The following TLN2 variants were observed in gnomAD, a reference collection of about 807,000 sequenced individuals.
The protein encoded by TLN2 is talin-2.
In TLN2, 118 loss-of-function variants were observed where a neutral mutation model predicts 294.7. The ratio of observed to expected loss-of-function variants is 0.40; its 90% CI spans 0.34 to 0.47. The LOEUF (loss-of-function observed/expected upper bound fraction) is 0.47. Ranked by LOEUF, TLN2 falls within the 20% of genes least tolerant of loss-of-function variation. The pLI, the probability that TLN2 is intolerant of heterozygous loss-of-function variation, is 0.84. For synonymous variants in TLN2, 1,431 were observed against 1,304.5 expected (o/e 1.10, Z -2.09); for missense variants, 3,083 against 3,282.2 (o/e 0.94, Z 1.48).
At chr15:62,640,970 T>C (rs2051011634) in intron 3 of TLN2, among the ~76,000 whole-genome samples, 1 of 151,874 alleles carries the variant, frequency 6.6e-6, no homozygotes, top group African/African-American at 2.4e-5. Flanking sequence ...CTCGGCTAAT[T>C]TTTGTATTTT....
At chr15:62,626,818 C>G (rs1467789630) in intron 3 of TLN2, among the ~76,000 whole-genome samples, 1 of 152,116 alleles carries the variant, frequency 6.6e-6, no homozygotes. Flanking sequence ...TCTGTGTCTA[C>G]TGGTGTGAGG....
intron 1 of TLN2, among the ~76,000 whole-genome samples, chr15:62,399,277 A>AAAAAAAAAAAAT: frequency 6.6e-6 from 1 of 150,822 alleles, no homozygotes. Context: ...AAAAAAAAAA[A>AAAAAAAAAAAAT]AAAAAAAAGT....
chr15:62,733,575 T>G (rs548420961), intron 28 of TLN2, among the ~76,000 whole-genome samples: 1 of 152,330 alleles, frequency 6.6e-6, no homozygotes, highest in East Asian at 1.9e-4. Flanking sequence ...GATAAAAGAT[T>G]TGTGTCATAC....
intron 7 of TLN2, 97 bp from the exon 8 acceptor site, chr15:62,655,847 G>A: frequency 7.4e-7 from 1 of 1,343,154 alleles, no homozygotes; most frequent in Non-Finnish European, 1.0e-6. Flanking sequence ...AAGTATCAGA[G>A]ATACAGAAAT....
Position 62,657,662 on chromosome 15 carries a change from C to T in TLN2, c.661-109C>T. 2.0e-6 allele frequency: 3 copies of T among 1,469,530 alleles called. No individual in the cohort carries two copies. The South Asian group carries it at 4.4e-5, about 22-fold the overall frequency. 91.0% of individuals were successfully genotyped at this position (1,469,530 alleles called of 1,614,324 possible). On this transcript the variant is annotated intron_variant, in intron 8 of 58. Transcript: ENST00000636159. The stretch of plus-strand genomic sequence containing the variant: ...GCACATGTCACCGTGGGTTGGCTGG[C>T]ACTGTCCCCTGCTCCACAGAGGGTG...
chr15:62,761,062 G>A (rs983295115), intron 37 of TLN2, among the ~76,000 whole-genome samples: 6 of 152,128 alleles, frequency 3.9e-5, no homozygotes, highest in African/African-American at 7.2e-5. Context: ...TGGGTGGCCC[G>A]TTTTGTTAAA....
intron 9 of TLN2, among the ~76,000 whole-genome samples, chr15:62,668,811 G>T (rs1466672860): frequency 6.6e-6 from 1 of 152,212 alleles, no homozygotes; most frequent in Non-Finnish European, 1.5e-5. Flanking sequence ...CTGAAACAGG[G>T]TTTGGCCTTC....
intron 1 of TLN2, among the ~76,000 whole-genome samples, chr15:62,555,393 C>G (rs186321180): frequency 6.6e-6 from 1 of 152,244 alleles, no homozygotes; most frequent in African/African-American, 2.4e-5. Context: ...CTTGCTTGCT[C>G]TGAAAGATTT....
At chr15:62,663,469 T>A (rs192592940) in intron 9 of TLN2, among the ~76,000 whole-genome samples, 1 of 151,836 alleles carries the variant, frequency 6.6e-6, no homozygotes, top group Non-Finnish European at 1.5e-5. Context: ...CTAAACCATA[T>A]CAGGATTGAA....
intron 1 of TLN2, among the ~76,000 whole-genome samples, chr15:62,432,401 A>G (rs2035054705): frequency 6.6e-6 from 1 of 152,206 alleles, no homozygotes; most frequent in African/African-American, 2.4e-5. Flanking sequence ...CTCACATGGT[A>G]GAAGGGCAAA....
Position 62,771,170 on chromosome 15 carries a change from A to G in TLN2, c.5367+36A>G, listed in dbSNP as rs745763969. On this transcript the variant is annotated intron_variant, in intron 42 of 58. Coordinates refer to ENST00000636159, the MANE Select transcript of TLN2 (RefSeq NM_015059.3). ...GGATATCGGGGACTCACTTAGGACC[A>G]CTAAGAAGCCATCATGCATTCCTGC... 6 of 1,543,670 alleles carry G rather than the reference A, an allele frequency of 3.9e-6. 1 individual carries two copies. In the South Asian group the frequency reaches 7.6e-5, roughly 19 times the overall value.
intron 1 of TLN2, among the ~76,000 whole-genome samples, chr15:62,498,226 A>AT (rs1390392362): frequency 6.6e-6 from 1 of 151,684 alleles, no homozygotes; most frequent in Non-Finnish European, 1.5e-5. Flanking sequence ...TAAGAATTAG[A>AT]TTTTTAAATT....
At chr15:62,650,961 C>T (rs920698684) in intron 5 of TLN2, among the ~76,000 whole-genome samples, 3 of 152,076 alleles carry the variant, frequency 2.0e-5, no homozygotes, top group Admixed American at 1.3e-4. Context: ...TTGAAAATCA[C>T]GACTACTGTG....
chr15:62,428,795 G>A (rs1178775034), intron 1 of TLN2, among the ~76,000 whole-genome samples: 1 of 152,210 alleles, frequency 6.6e-6, no homozygotes, highest in Non-Finnish European at 1.5e-5. Context: ...GTTAAAGTGT[G>A]AATTCTGAGA....
intron 1 of TLN2, among the ~76,000 whole-genome samples, chr15:62,423,197 C>T (rs906420841): frequency 6.6e-6 from 1 of 152,136 alleles, no homozygotes; most frequent in Non-Finnish European, 1.5e-5. Context: ...GGTTCAAAAC[C>T]AGCCTGGGCA....
At chr15:62,557,190 AG>A (rs1436875323) in intron 1 of TLN2, among the ~76,000 whole-genome samples, 2 of 152,164 alleles carry the variant, frequency 1.3e-5, no homozygotes, top group African/African-American at 2.4e-5. Flanking sequence ...GGTTCTCACC[AG>A]TGGCAGTGAC....
chr15:62,745,917 A>T (rs2061582602), intron 32 of TLN2, among the ~76,000 whole-genome samples: 1 of 152,216 alleles, frequency 6.6e-6, no homozygotes, highest in South Asian at 2.1e-4. Flanking sequence ...GATCAGTATT[A>T]CCCAAGCATC....
Position 62,721,747 on chromosome 15 carries a change from A to G in TLN2, c.2992-606A>G, listed in dbSNP as rs550163152. ...GTTTATTAAATTGGAAAAAATGGAA[A>G]CATGCCCAACAATAGAGAATTGAGA... On this transcript the variant is annotated intron_variant, in intron 25 of 58. Coordinates refer to ENST00000636159, the MANE Select transcript of TLN2 (RefSeq NM_015059.3). Among the ~76,000 whole-genome samples the G allele has an allele frequency of 2.6e-5, 4 of 152,326 alleles. No individual in the cohort carries two copies. The East Asian group carries it at 7.7e-4, about 29-fold the overall frequency.
intron 1 of TLN2, among the ~76,000 whole-genome samples, chr15:62,518,169 G>C (rs2040276519): frequency 6.6e-6 from 1 of 152,106 alleles, no homozygotes; most frequent in African/African-American, 2.4e-5. Flanking sequence ...CTCCTGAGTA[G>C]TTGGGACTAC....
Sources: gnomAD v4.1 joint callset for allele counts (sites outside exome capture counted in the v4.1 genomes callset) on GRCh38, gnomAD v4.1.1 for gene constraint, MANE v1.5 for transcripts, NCBI Gene and HGNC (gene_info 2026-07-23, HGNC 2026-07-21) for gene names.